Variants in CDK13 observed in about 807,000 individuals in gnomAD.
CDK13 encodes cyclin-dependent kinase 13.
Under a neutral mutation model 137.6 loss-of-function variants are expected in CDK13, and 40 were observed. The ratio of observed to expected loss-of-function variants is 0.29; its 90% CI spans 0.23 to 0.38. The LOEUF (loss-of-function observed/expected upper bound fraction) is 0.38, where lower values mean the gene tolerates loss of function less well. Among genes scored for constraint, CDK13 ranks in the 10% least tolerant of loss-of-function variants. The pLI is 1.00. For synonymous variants in CDK13, 869 were observed against 760.1 expected, an observed-to-expected ratio of 1.14 and a Z score of -2.36; for missense variants, 1,704 against 1,951.8, an observed-to-expected ratio of 0.87 and a Z score of 2.39.
chr7:39,979,436 G>A (rs754507219), intron 1 of CDK13, among the ~76,000 whole-genome samples: 1 of 152,000 alleles, frequency 6.6e-6, no homozygotes, highest in Non-Finnish European at 1.5e-5. Flanking sequence ...GGTTGGTCTC[G>A]AACTTCTGCC....
chr7:40,007,727 C>T (rs577018343), intron 5 of CDK13, among the ~76,000 whole-genome samples: 34 of 152,298 alleles, frequency 2.2e-4, no homozygotes, highest in African/African-American at 7.9e-4. Context: ...CGCGCCCAGC[C>T]ATAACTTGTA....
In CDK13 at chr7:40,094,408, T is replaced by C. The variant is rs202202344; in HGVS notation, c.3967T>C (p.Tyr1323His). Reference sequence around the variant, plus strand: ...CCCCAAAAGAGAAGGTGGGATTGATTATCAAGCAGGAGACACTTACGTGTC... The same window carrying C: ...CCCCAAAAGAGAAGGTGGGATTGATCATCAAGCAGGAGACACTTACGTGTC... ...DDPKREGGID[Y>H]QAGDTYVSTS... Residue 1323 changes from tyrosine to histidine, a missense_variant, in exon 14 of 14, where the codon TAT becomes CAT. Tyr to His is a moderately conservative substitution (Grantham distance 83, BLOSUM62 2). Around this residue, in one of 5 missense-constraint regions of CDK13, gnomAD observed 475 missense variants for 579.3 expected, o/e 0.82. Transcript: ENST00000181839. The C allele has an allele frequency of 6.2e-7, 1 of 1,613,980 alleles. No homozygotes were observed. Among genetic ancestry groups the C allele is most frequent in the Admixed American group, 1.7e-5 (1 of 59,992 alleles).
chr7:40,088,339 A>C lies in CDK13; in HGVS notation c.3235+8A>C, dbSNP rs758208742. 1.4e-5 allele frequency: 23 copies of C among 1,603,092 alleles called. No individual in the cohort carries two copies. In the Admixed American group the frequency reaches 3.8e-4, roughly 27 times the overall value. ...GCTCAAATGTGGCACCTGGTCAGTA[A>C]TGCTTCCATGGGTTGGTTTTCTTCA... is the stretch of plus-strand genomic sequence containing the variant. On this transcript the variant is annotated splice_region_variant and intron_variant, in intron 12 of 13. Transcript: ENST00000181839.
At chr7:39,965,207 T>A (rs1352099209) in intron 1 of CDK13, among the ~76,000 whole-genome samples, 2 of 152,222 alleles carry the variant, frequency 1.3e-5, no homozygotes, top group African/African-American at 2.4e-5. Flanking sequence ...TTGATCTGTC[T>A]AATGTTGACA....
At chr7:39,996,367 C>G (rs1263819422) in intron 2 of CDK13, among the ~76,000 whole-genome samples, 2 of 152,102 alleles carry the variant, frequency 1.3e-5, no homozygotes, top group Non-Finnish European at 2.9e-5. Flanking sequence ...TTCAACATGT[C>G]ACATTATATT....
At chr7:40,011,377 A>C (rs1426841629) in intron 5 of CDK13, among the ~76,000 whole-genome samples, 1 of 152,160 alleles carries the variant, frequency 6.6e-6, no homozygotes, top group Non-Finnish European at 1.5e-5. Context: ...AATTTACATA[A>C]ATCAAAATCT....
chr7:40,083,571 C>T (rs1471458443), intron 11 of CDK13, among the ~76,000 whole-genome samples: 3 of 152,152 alleles, frequency 2.0e-5, no homozygotes, highest in African/African-American at 4.8e-5. Flanking sequence ...TTTGCCAAAA[C>T]TTGGAACTAT....
At chr7:40,048,643 C>CA (rs1204955518) in intron 7 of CDK13, 1 of 146,842 alleles carries the variant, frequency 6.8e-6, no homozygotes, top group African/African-American at 2.7e-5. Context: ...TCTTTAATAT[C>CA]ACCATAATTT....
intron 5 of CDK13, among the ~76,000 whole-genome samples, chr7:40,023,685 G>C (rs1304600846): frequency 6.6e-6 from 1 of 151,762 alleles, no homozygotes. Flanking sequence ...ATTTTTAATA[G>C]AGACGGGGTT....
At chr7:40,026,351 T>G (rs1038758985) in intron 5 of CDK13, among the ~76,000 whole-genome samples, 6 of 151,934 alleles carry the variant, frequency 3.9e-5, no homozygotes, top group Non-Finnish European at 5.9e-5. Context: ...TCTAAAACAA[T>G]AAAATACATT....
intron 1 of CDK13, among the ~76,000 whole-genome samples, chr7:39,968,890 C>T (rs1337108038): frequency 1.3e-5 from 2 of 152,184 alleles, no homozygotes; most frequent in Non-Finnish European, 2.9e-5. Context: ...TACCGTATAT[C>T]CTGATCACAA....
At chr7:39,993,800 T>C (rs914247160) in intron 2 of CDK13, among the ~76,000 whole-genome samples, 73 of 152,108 alleles carry the variant, frequency 4.8e-4, no homozygotes, top group African/African-American at 1.7e-3. Flanking sequence ...AGGTAATTTT[T>C]ATAGGATAGT....
At chr7:39,956,401 G>A (rs758655286) in intron 1 of CDK13, among the ~76,000 whole-genome samples, 1 of 152,184 alleles carries the variant, frequency 6.6e-6, no homozygotes, top group Non-Finnish European at 1.5e-5. Flanking sequence ...TTCCGCTAAC[G>A]CTAATATTTA....
chr7:40,093,300 A>G, intron 13 of CDK13, 63 bp downstream of exon 13: 1 of 1,308,720 alleles, frequency 7.6e-7, no homozygotes, highest in Non-Finnish European at 1.1e-6. Flanking sequence ...AGTGTTGCTG[A>G]CTATATATAA....
rs1038490928 is a variant in CDK13, at chr7:40,096,652, C to T, written c.*1672C>T. On this transcript the variant is annotated 3_prime_UTR_variant, in exon 14 of 14. Transcript: ENST00000181839. ...TTGCTCCAGTTCTAAAGCCAGTTAA[C>T]CCTGTGCCCTCTAACTTATGAACCT... is the stretch of plus-strand genomic sequence containing the variant. 6.6e-6 allele frequency: 1 copy of T among 152,080 alleles called. No individual in the cohort carries two copies. Among genetic ancestry groups the T allele is most frequent in the African/African-American group, 2.4e-5 (1 of 41,426 alleles). The allele number at this position is 152,080 out of a possible 1,614,324, so 9.4% of individuals were successfully genotyped here.
intron 12 of CDK13, among the ~76,000 whole-genome samples, chr7:40,091,902 A>G (rs1397411773): frequency 2.0e-5 from 3 of 152,182 alleles, no homozygotes; most frequent in Non-Finnish European, 4.4e-5. Flanking sequence ...TAGTTACCAT[A>G]TATGGTATTA....
At chr7:40,089,730 G>T (rs1786877986) in intron 12 of CDK13, among the ~76,000 whole-genome samples, 1 of 128,264 alleles carries the variant, frequency 7.8e-6, no homozygotes, top group Non-Finnish European at 1.7e-5. Context: ...GAGAGTGTGT[G>T]TGTGTGTGTG....
chr7:40,025,898 A>G (rs1785232932), intron 5 of CDK13, among the ~76,000 whole-genome samples: 1 of 152,138 alleles, frequency 6.6e-6, no homozygotes, highest in Non-Finnish European at 1.5e-5. Context: ...GCTAACAGGT[A>G]TTTTTCTATG....
At chr7:40,021,118 T>TACACACAC (rs1326611140) in intron 5 of CDK13, among the ~76,000 whole-genome samples, 13 of 107,200 alleles carry the variant, frequency 1.2e-4, no homozygotes, top group African/African-American at 3.6e-4. Flanking sequence ...TATATATATA[T>TACACACAC]ATATACACAC....
Sources: gnomAD v4.1 joint callset for allele counts (sites outside exome capture counted in the v4.1 genomes callset) on GRCh38, gnomAD v4.1.1 for gene constraint, gnomAD v4.1.1 regional missense constraint, MANE v1.5 for transcripts, NCBI Gene and HGNC (gene_info 2026-07-23, HGNC 2026-07-21) for gene names.